OGA: variants seen among roughly 807,000 people sequenced by gnomAD.
The protein encoded by OGA is O-GlcNAcase, also known as protein O-GlcNAcase.
In OGA, 21 loss-of-function variants were observed where a neutral mutation model predicts 102.0. The ratio of observed to expected loss-of-function variants is 0.21; its 90% CI spans 0.15 to 0.30. OGA has a LOEUF of 0.30. Among genes scored for constraint, OGA ranks in the 10% least tolerant of loss-of-function variants. OGA has a pLI of 1.00. For synonymous variants in OGA, 408 were observed against 378.2 expected (o/e 1.08, Z -0.91); for missense variants, 765 against 1,107.8 (o/e 0.69, Z 4.39).
intron 13 of OGA, 23 bp downstream of exon 13, chr10:101,791,330 CA>C (rs1425197481): frequency 6.3e-7 from 1 of 1,587,248 alleles, no homozygotes; most frequent in Non-Finnish European, 8.7e-7. Context: ...GGTCTACTCT[CA>C]AATCCAAATA....
intron 6 of OGA, among the ~76,000 whole-genome samples, chr10:101,804,845 C>G (rs1395306134): frequency 6.6e-6 from 1 of 152,168 alleles, no homozygotes; most frequent in Non-Finnish European, 1.5e-5. Flanking sequence ...CCTACCTCAA[C>G]TCAAGCCTCC....
intron 12 of OGA, among the ~76,000 whole-genome samples, chr10:101,792,170 C>A (rs1332112562): frequency 1.3e-5 from 2 of 152,158 alleles, no homozygotes; most frequent in African/African-American, 2.4e-5. Context: ...AGGCACCCAC[C>A]ACCGCACCCA....
Position 101,785,173 on chromosome 10 carries a change from A to T in OGA, c.*1278T>A, listed in dbSNP as rs1307220930. ...TCTATGGAGAAATCAGCCAGCCATGATGAAAAAATGAGTCCTGCCGACTAT... is the reference window on the plus strand; with the variant it reads ...TCTATGGAGAAATCAGCCAGCCATGTTGAAAAAATGAGTCCTGCCGACTAT... On this transcript the variant is annotated 3_prime_UTR_variant, in exon 16 of 16. Transcript: ENST00000361464. 6.6e-6 allele frequency: 1 copy of T among 152,246 alleles called. No individual in the cohort carries two copies. Among genetic ancestry groups the T allele is most frequent in the African/African-American group, 2.4e-5 (1 of 41,466 alleles). 9.4% of individuals were successfully genotyped at this position (152,246 alleles called of 1,614,324 possible).
chr10:101,804,977 C>A (rs566100350), intron 6 of OGA, among the ~76,000 whole-genome samples: 1 of 152,110 alleles, frequency 6.6e-6, no homozygotes, highest in Non-Finnish European at 1.5e-5. Flanking sequence ...AGTTTCCTAA[C>A]GCTGCTTAAG....
chr10:101,795,322 C>T (rs969054351), intron 10 of OGA, among the ~76,000 whole-genome samples: 3 of 152,178 alleles, frequency 2.0e-5, no homozygotes, highest in Non-Finnish European at 4.4e-5. Context: ...TCAGTCGCTG[C>T]GCAAACGTGA....
At position 101,788,586 on chromosome 10, in the gene OGA, T is replaced by C. The variant is rs2065219631; in HGVS notation, c.2455-1063A>G. ...CCCGTATCTAGTAAAAATACAAAAA[T>C]TGGCTGGGCCTAGTGGTGGGCGCCT... On this transcript the variant is annotated intron_variant, in intron 14 of 15. Coordinates refer to ENST00000361464, the MANE Select transcript of OGA (RefSeq NM_012215.5). Among the ~76,000 whole-genome samples the C allele has an allele frequency of 1.3e-5, 2 of 151,434 alleles. 1 individual carries two copies. Among genetic ancestry groups the C allele is most frequent in the African/African-American group, 4.9e-5 (2 of 41,154 alleles).
At chr10:101,789,442 G>T (rs1260951933) in intron 14 of OGA, among the ~76,000 whole-genome samples, 3 of 152,120 alleles carry the variant, frequency 2.0e-5, no homozygotes, top group African/African-American at 7.2e-5. Flanking sequence ...AGGTTGCGGT[G>T]AGCCAAGATT....
rs2065189112 is a variant in OGA, at chr10:101,786,250, C to T, written c.*201G>A. 8.9e-6 allele frequency: 4 copies of T among 448,926 alleles called. No homozygotes were observed. Among genetic ancestry groups the T allele is most frequent in the South Asian group, 1.5e-4 (2 of 13,064 alleles). The allele number at this position is 448,926 out of a possible 1,614,324, so 27.8% of individuals were successfully genotyped here. On this transcript the variant is annotated 3_prime_UTR_variant, in exon 16 of 16. Coordinates refer to ENST00000361464, the MANE Select transcript of OGA (RefSeq NM_012215.5). ...AGGAAGCCCACATCTCTCTTTCATA[C>T]AGGATTTGCTGCAATACTATATTCT... is the stretch of plus-strand genomic sequence containing the variant.
rs1269651258 is a variant in OGA, at chr10:101,799,210, T to C, written c.1441A>G (p.Asn481Asp). The C allele has an allele frequency of 6.2e-7, 1 of 1,614,246 alleles. No individual in the cohort carries two copies. The highest frequency in any genetic ancestry group is 1.1e-5 in the South Asian group (1 of 91,088). ...KQEETDHKND[N>D]QILSEIVEAK... ...TCAACAATTTCACTCAGTATTTGAT[T>C]GTCATTCTTGTGGTCCGTTTCTTCT... The change falls in exon 9 of 16, where the codon AAT (asparagine) becomes GAT (aspartate). Residue 481 changes from asparagine (N) to aspartate (D), a missense_variant. This residue lies in a region of OGA where 281 missense variants were observed against 345.8 expected (regional missense o/e 0.81). Transcript: ENST00000361464.
intron 7 of OGA, among the ~76,000 whole-genome samples, chr10:101,800,634 G>T (rs2065376776): frequency 6.6e-6 from 1 of 152,134 alleles, no homozygotes; most frequent in South Asian, 2.1e-4. Context: ...ATTGAAATAA[G>T]AAATATAAAT....
chr10:101,816,928 A>C (rs1303789043), intron 1 of OGA, among the ~76,000 whole-genome samples: 3 of 152,196 alleles, frequency 2.0e-5, no homozygotes, highest in Non-Finnish European at 4.4e-5. Flanking sequence ...CATACGAGAG[A>C]GATATAAAAC....
chr10:101,797,672 TA>T, intron 10 of OGA: 3 of 500,596 alleles, frequency 6.0e-6, no homozygotes, highest in Non-Finnish European at 1.1e-5. Context: ...CCAAATCAGA[TA>T]AAAGTGGTAT....
chr10:101,797,916 T>C, intron 10 of OGA, 64 bp downstream of exon 10: 1 of 1,495,562 alleles, frequency 6.7e-7, no homozygotes, highest in Non-Finnish European at 9.3e-7. Context: ...TTTCTCCCTG[T>C]GGGATAATTT....
chr10:101,817,786 T>C, intron 1 of OGA, 38 bp downstream of exon 1: 1 of 1,534,100 alleles, frequency 6.5e-7, no homozygotes, highest in Non-Finnish European at 8.7e-7. Flanking sequence ...GGACAGAACG[T>C]GTTAGTGCCA....
At chr10:101,797,714 G>C in intron 10 of OGA, 2 of 576,230 alleles carry the variant, frequency 3.5e-6, no homozygotes, top group Non-Finnish European at 3.1e-6. Context: ...CATTCAGTCA[G>C]AGCAAGTTAA....
intron 5 of OGA, among the ~76,000 whole-genome samples, chr10:101,807,236 CTAAAA>C (rs2065488511): frequency 6.6e-6 from 1 of 151,942 alleles, no homozygotes; most frequent in Non-Finnish European, 1.5e-5. Context: ...AACTAAGAGA[CTAAAA>C]TATTTTCAAT....
intron 10 of OGA, among the ~76,000 whole-genome samples, chr10:101,794,793 G>A (rs1425639230): frequency 6.6e-6 from 1 of 152,140 alleles, no homozygotes; most frequent in Non-Finnish European, 1.5e-5. Context: ...AGGCAATAAC[G>A]CTAGCTAACA....
chr10:101,809,403 T>C (rs1184040892), intron 4 of OGA, among the ~76,000 whole-genome samples: 7 of 152,200 alleles, frequency 4.6e-5, no homozygotes, highest in Non-Finnish European at 8.8e-5. Context: ...TTACTTAATT[T>C]GGAAAATATT....
chr10:101,788,214 G>C (rs190174365), intron 14 of OGA, among the ~76,000 whole-genome samples: 25 of 151,022 alleles, frequency 1.7e-4, no homozygotes, highest in African/African-American at 6.1e-4. Flanking sequence ...GAGGCAGGCA[G>C]ACTGCCTGAG....
Sources: allele counts gnomAD v4.1 joint callset (sites outside exome capture counted in the v4.1 genomes callset), GRCh38; gene constraint gnomAD v4.1.1; regional missense constraint gnomAD v4.1.1; transcripts MANE v1.5; gene names NCBI Gene and HGNC (gene_info 2026-07-23, HGNC 2026-07-21).